NXPE2: variants seen among roughly 807,000 people sequenced by gnomAD.
NXPE2 encodes the protein NXPE family member 2.
Under a neutral mutation model 34.4 loss-of-function variants are expected in NXPE2, and 34 were observed. The observed-to-expected ratio is 0.99, with a 90% confidence interval of 0.75 to 1.31. The LOEUF is 1.31. Among genes scored for constraint, NXPE2 ranks in the 40% most tolerant of loss-of-function variants. The pLI, the probability that NXPE2 is intolerant of heterozygous loss-of-function variation, is 0.00. For synonymous variants in NXPE2, 235 were observed against 231.3 expected (o/e 1.02, Z -0.15); for missense variants, 649 against 672.5 (o/e 0.97, Z 0.39).
chr11:114,590,051 G>T, the NXPE2 span, among the ~76,000 whole-genome samples: 8 of 152,118 alleles, frequency 5.3e-5, no homozygotes, highest in Admixed American at 5.2e-4. Context: ...GAATGCTTCT[G>T]GCCAAACTGC....
chr11:114,595,571 A>C, the NXPE2 span: 1 of 152,188 alleles, frequency 6.6e-6, no homozygotes, highest in Non-Finnish European at 1.5e-5. Flanking sequence ...CACCTTCCCA[A>C]TTTTACAAAT....
the NXPE2 span, among the ~76,000 whole-genome samples, chr11:114,606,794 T>C: frequency 4.6e-5 from 7 of 151,890 alleles, no homozygotes; most frequent in Non-Finnish European, 1.0e-4. Context: ...CGATAATAGG[T>C]ATTGCTTGTA....
chr11:114,748,124 G>A, the NXPE2 span, among the ~76,000 whole-genome samples: 5 of 152,124 alleles, frequency 3.3e-5, no homozygotes, highest in Admixed American at 2.6e-4. Context: ...TCATCTTTAC[G>A]TGCCATACTT....
Position 114,691,096 on chromosome 11 carries a change from A to G in NXPE2, c.133-6949A>G, listed in dbSNP as rs151036210. 7.0e-3 allele frequency among the ~76,000 whole-genome samples: 1,063 copies of G among 152,160 alleles called. 6 individuals carry two copies. Among genetic ancestry groups the G allele is most frequent in the Non-Finnish European group, 0.012 (808 of 68,008 alleles). On this transcript the variant is annotated intron_variant, in intron 2 of 5. Transcript: ENST00000389586. ...CATTTCAGATATTTCATTCTAGTTA[A>G]TATACATTGTTTGTGAGTGAATGGT... is the stretch of plus-strand genomic sequence containing the variant.
the NXPE2 span, among the ~76,000 whole-genome samples, chr11:114,618,909 C>T: frequency 6.6e-6 from 1 of 151,004 alleles, no homozygotes; most frequent in African/African-American, 2.4e-5. Context: ...ATAATAAGGA[C>T]TGTCTCATGG....
At chr11:114,544,752 T>C in the NXPE2 span, among the ~76,000 whole-genome samples, 1 of 152,164 alleles carries the variant, frequency 6.6e-6, no homozygotes, top group African/African-American at 2.4e-5. Context: ...GCTTCTGCCC[T>C]GTGAAAGACA....
chr11:114,798,360 TCCTTCCCTCTGTTTCTTTCTTTTCTC>T, the NXPE2 span, among the ~76,000 whole-genome samples: 1 of 152,054 alleles, frequency 6.6e-6, no homozygotes, highest in African/African-American at 2.4e-5. Flanking sequence ...TTTGGGCTCC[TCCTTCCCTCTGTTTCTTTCTTTTCTC>T]CCTTCCCTTC....
the NXPE2 span, among the ~76,000 whole-genome samples, chr11:114,601,896 T>TACAA: frequency 2.5e-5 from 1 of 40,530 alleles, no homozygotes; most frequent in Non-Finnish European, 5.3e-5. Flanking sequence ...ATATATTATA[T>TACAA]TTATATATAT....
the NXPE2 span, among the ~76,000 whole-genome samples, chr11:114,491,994 C>T: frequency 6.6e-6 from 1 of 152,022 alleles, no homozygotes; most frequent in African/African-American, 2.4e-5. Flanking sequence ...GAACATCACG[C>T]TCTGGGGACT....
chr11:114,500,783 T>C, the NXPE2 span, among the ~76,000 whole-genome samples: 14 of 152,146 alleles, frequency 9.2e-5, no homozygotes, highest in Non-Finnish European at 1.9e-4. Context: ...TGGTATGAAG[T>C]GGTATGAATT....
chr11:114,771,016 C>T, the NXPE2 span, among the ~76,000 whole-genome samples: 1 of 152,072 alleles, frequency 6.6e-6, no homozygotes. Context: ...ATATTATGCA[C>T]CTGGCTCTGA....
the NXPE2 span, among the ~76,000 whole-genome samples, chr11:114,772,205 A>G: frequency 6.6e-6 from 1 of 152,224 alleles, no homozygotes; most frequent in Non-Finnish European, 1.5e-5. Context: ...ATCTAAGATA[A>G]GATAACTAAG....
At chr11:114,506,069 C>T in the NXPE2 span, among the ~76,000 whole-genome samples, 4 of 147,666 alleles carry the variant, frequency 2.7e-5, no homozygotes, top group Non-Finnish European at 4.5e-5. Flanking sequence ...GCAGGGGTTG[C>T]AGTCCTAGTT....
chr11:114,480,937 T>G, the NXPE2 span, among the ~76,000 whole-genome samples: 1 of 152,170 alleles, frequency 6.6e-6, no homozygotes, highest in Non-Finnish European at 1.5e-5. Flanking sequence ...TCTCTAGAGA[T>G]TATACTTGCT....
At chr11:114,779,208 G>A in the NXPE2 span, among the ~76,000 whole-genome samples, 1 of 152,340 alleles carries the variant, frequency 6.6e-6, no homozygotes, top group African/African-American at 2.4e-5. Context: ...GAGCTCTGTA[G>A]TGTCTCTTCA....
the NXPE2 span, among the ~76,000 whole-genome samples, chr11:114,496,951 TTGATAA>T: frequency 6.6e-6 from 1 of 152,260 alleles, no homozygotes; most frequent in African/African-American, 2.4e-5. Flanking sequence ...TAGTACATTA[TTGATAA>T]TGATAATAAA....
the NXPE2 span, among the ~76,000 whole-genome samples, chr11:114,789,922 C>T: frequency 6.6e-6 from 1 of 152,234 alleles, no homozygotes; most frequent in South Asian, 2.1e-4. Flanking sequence ...AGCCACCTGG[C>T]AGGCATGCTG....
rs1351346858 is a variant in NXPE2, at chr11:114,706,780, G to A, written c.1530G>A (p.Gln510=). 7.7e-6 allele frequency: 12 copies of A among 1,552,208 alleles called. No homozygotes were observed. Among genetic ancestry groups the A allele is most frequent in the Non-Finnish European group, 9.6e-6 (11 of 1,147,098 alleles). ...TCAGTGACTTTCATGGCTATATTCA[G>A]AATCTTATCATAAGAGATATTTTTG... The part of the protein sequence containing the change: ...EMFSDFHGYI[Q]NLIIRDIFVD... Residue 510 remains glutamine (Q), a synonymous_variant, in exon 6 of 6, where the codon CAG becomes CAA. Transcript: ENST00000389586.
At chr11:114,515,216 G>A in the NXPE2 span, among the ~76,000 whole-genome samples, 10 of 151,958 alleles carry the variant, frequency 6.6e-5, no homozygotes, top group Admixed American at 6.6e-4. Flanking sequence ...AAGAGCTTAT[G>A]AGAACTATAT....
Sources: allele counts gnomAD v4.1 joint callset (sites outside exome capture counted in the v4.1 genomes callset), GRCh38; gene constraint gnomAD v4.1.1; transcripts MANE v1.5; gene names NCBI Gene and HGNC (gene_info 2026-07-23, HGNC 2026-07-21).